The following COL4A6 variants were observed in gnomAD, a reference collection of about 807,000 sequenced individuals.
The protein encoded by COL4A6 is collagen alpha-6(IV) chain.
COL4A6 carries 59 observed loss-of-function variants against 126.7 expected under a neutral mutation model. That is an observed-to-expected ratio of 0.47 (90% CI 0.38 to 0.58). The LOEUF is 0.58. Among genes scored for constraint, COL4A6 ranks in the 20% least tolerant of loss-of-function variants. The pLI is 0.00. For synonymous variants in COL4A6, 547 were observed against 496.6 expected, an observed-to-expected ratio of 1.10 and a Z score of -1.35; for missense variants, 1,285 against 1,337.3, an observed-to-expected ratio of 0.96 and a Z score of 0.61.
chrX:108,200,016 T>C (rs1470748001), intron 13 of COL4A6, among the ~76,000 whole-genome samples: 1 of 112,030 alleles, frequency 8.9e-6, no homozygotes, highest in Admixed American at 9.5e-5. Flanking sequence ...ACAAGGAAGA[T>C]AAGCCTGGCT....
At chrX:108,297,772 C>T (rs1270231800) in intron 3 of COL4A6, among the ~76,000 whole-genome samples, 4 of 110,730 alleles carry the variant, frequency 3.6e-5, no homozygotes, top group Non-Finnish European at 7.6e-5. Flanking sequence ...TGAGGGGCAA[C>T]TTACACTCAA....
rs1012478978 is a variant in COL4A6, at chrX:108,314,565, C to A, written c.64-3737G>T. 7.2e-5 allele frequency among the ~76,000 whole-genome samples: 8 copies of A among 111,651 alleles called. No individual in the cohort carries two copies. In the East Asian group the frequency reaches 2.0e-3, roughly 27 times the overall value. ...TCTTGTTTCCTCATCCAGACCATAA[C>A]GTTTATAAGGGAAAAGTCAATTTAT... On this transcript the variant is annotated intron_variant, in intron 2 of 44. Transcript: ENST00000334504.
intron 2 of COL4A6, among the ~76,000 whole-genome samples, chrX:108,382,415 C>T (rs2040578598): frequency 9.0e-6 from 1 of 111,633 alleles, no homozygotes; most frequent in South Asian, 3.7e-4. Flanking sequence ...AAAATATTAT[C>T]ATCACTCTAG....
chrX:108,314,538 A>T (rs370569981), intron 2 of COL4A6, among the ~76,000 whole-genome samples: 1 of 111,893 alleles, frequency 8.9e-6, no homozygotes, highest in African/African-American at 3.3e-5. Flanking sequence ...CATAGCTGAG[A>T]GTCTTGTTTC....
At chrX:108,190,161 G>A (rs190386170) in intron 20 of COL4A6, among the ~76,000 whole-genome samples, 1 of 112,319 alleles carries the variant, frequency 8.9e-6, no homozygotes, top group East Asian at 2.8e-4. Context: ...GGCTGCAGGT[G>A]GAGGAGAAAG....
intron 2 of COL4A6, among the ~76,000 whole-genome samples, chrX:108,329,973 G>A (rs886302493): frequency 9.0e-6 from 1 of 111,008 alleles, no homozygotes; most frequent in South Asian, 3.8e-4. Context: ...ATGTGCGTGT[G>A]TAGAAAATGA....
chrX:108,179,666 G>A (rs1179801793), intron 25 of COL4A6, among the ~76,000 whole-genome samples: 3 of 109,609 alleles, frequency 2.7e-5, no homozygotes, highest in South Asian at 7.9e-4. Context: ...GGCTGTGGGC[G>A]GAGGTCCACA....
At chrX:108,214,033 T>G in intron 6 of COL4A6, 79 bp downstream of exon 6, 1 of 870,599 alleles carries the variant, frequency 1.1e-6, no homozygotes, top group Non-Finnish European at 1.7e-6. Flanking sequence ...ATCTTGAGGT[T>G]TCCAGAGAGG....
chrX:108,241,086 G>C (rs770993847), intron 3 of COL4A6, among the ~76,000 whole-genome samples: 2 of 110,010 alleles, frequency 1.8e-5, no homozygotes, highest in East Asian at 5.7e-4. Context: ...TTATGATTTG[G>C]GCCCCTATAA....
At chrX:108,257,149 A>T (rs757951623) in intron 3 of COL4A6, among the ~76,000 whole-genome samples, 1 of 112,093 alleles carries the variant, frequency 8.9e-6, no homozygotes, top group South Asian at 3.7e-4. Context: ...GTGATGGTAG[A>T]GGTTTTAAGG....
At chrX:108,291,749 T>C (rs1250762191) in intron 3 of COL4A6, among the ~76,000 whole-genome samples, 4 of 112,210 alleles carry the variant, frequency 3.6e-5, no homozygotes, top group African/African-American at 6.5e-5. Flanking sequence ...GTATTAATTT[T>C]AGAGACACAT....
Position 108,175,211 on chromosome X carries a change from G to A in COL4A6, c.2835C>T (p.Asp945=), listed in dbSNP as rs762315690. 2 of 1,176,506 alleles carry A rather than the reference G, an allele frequency of 1.7e-6. No individual in the cohort carries two copies. Among genetic ancestry groups the A allele is most frequent in the South Asian group, 4.0e-5 (2 of 49,805 alleles). Residue 945 remains aspartate (D), a synonymous_variant, in exon 30 of 45, where the codon GAC becomes GAT. Coordinates refer to ENST00000334504, the MANE Select transcript of COL4A6 (RefSeq NM_033641.4). ...TTCCGACTGGCCCCGGATTGCCTCT[G>A]TCTCCTGCAGGGATGGAGATCAGCA... ...GRAGTPGEKG[D]RGNPGPVGIP...
At chrX:108,278,404 G>C (rs754684135) in intron 3 of COL4A6, among the ~76,000 whole-genome samples, 3 of 111,744 alleles carry the variant, frequency 2.7e-5, no homozygotes, top group Non-Finnish European at 3.8e-5. Flanking sequence ...GATGGAAGAT[G>C]AAATGAATGA....
intron 33 of COL4A6, 149 bp downstream of exon 33, chrX:108,171,238 T>C: frequency 2.1e-6 from 1 of 487,495 alleles, no homozygotes; most frequent in South Asian, 3.3e-5. Context: ...GAAGGAAGAG[T>C]AGGCTGATTT....
At chrX:108,392,525 A>T (rs57480915) in intron 2 of COL4A6, among the ~76,000 whole-genome samples, 7,978 of 111,105 alleles carry the variant, frequency 0.072, 632 homozygotes, top group African/African-American at 0.23. Flanking sequence ...AAGATGCTCA[A>T]TATCATTAGC....
chrX:108,391,362 G>T (rs1351602762), intron 2 of COL4A6, among the ~76,000 whole-genome samples: 3 of 111,895 alleles, frequency 2.7e-5, no homozygotes, highest in Non-Finnish European at 5.7e-5. Context: ...CCCTGACTGG[G>T]GCTGCTGCCT....
intron 37 of COL4A6, among the ~76,000 whole-genome samples, chrX:108,168,469 A>G (rs1253836344): frequency 8.9e-6 from 1 of 112,566 alleles, no homozygotes; most frequent in Admixed American, 9.4e-5. Context: ...GTACACAAAC[A>G]TGCACATAAA....
intron 3 of COL4A6, among the ~76,000 whole-genome samples, chrX:108,301,836 G>T (rs890863661): frequency 1.3e-4 from 15 of 111,685 alleles, no homozygotes; most frequent in Non-Finnish European, 2.1e-4. Context: ...TATTTTATAA[G>T]TTCCTTTGGT....
intron 2 of COL4A6, among the ~76,000 whole-genome samples, chrX:108,320,320 G>C (rs964587267): frequency 9.0e-6 from 1 of 111,568 alleles, no homozygotes; most frequent in Admixed American, 9.5e-5. Context: ...AATATTGTGA[G>C]GTTTTTGGTA....
Sources: allele counts gnomAD v4.1 joint callset (sites outside exome capture counted in the v4.1 genomes callset), GRCh38; gene constraint gnomAD v4.1.1; transcripts MANE v1.5; gene names NCBI Gene and HGNC (gene_info 2026-07-23, HGNC 2026-07-21).